ADIPOR2: variants seen among roughly 807,000 people sequenced by gnomAD.
ADIPOR2 encodes the protein adiponectin receptor protein 2.
ADIPOR2 carries 18 observed loss-of-function variants against 40.9 expected under a neutral mutation model. The observed-to-expected ratio is 0.44, with a 90% confidence interval of 0.30 to 0.65. The LOEUF (loss-of-function observed/expected upper bound fraction) is 0.65. Among genes scored for constraint, ADIPOR2 ranks in the 30% least tolerant of loss-of-function variants. The probability of loss-of-function intolerance (pLI) is 0.09; values close to 1 mark genes in which losing one functional copy is unlikely to be tolerated. For synonymous variants in ADIPOR2, 165 were observed against 166.4 expected, an observed-to-expected ratio of 0.99 and a Z score of 0.06; for missense variants, 283 against 479.2, an observed-to-expected ratio of 0.59 and a Z score of 3.82.
chr12:1,694,623 G>A (rs2094634199), intron 1 of ADIPOR2, among the ~76,000 whole-genome samples: 1 of 152,108 alleles, frequency 6.6e-6, no homozygotes, highest in South Asian at 2.1e-4. Context: ...ACAGACATAA[G>A]AGCCCATGGA....
chr12:1,757,822 T>C, intron 2 of ADIPOR2: 2 of 840,458 alleles, frequency 2.4e-6, no homozygotes, highest in Admixed American at 1.7e-5. Context: ...CCTCTGCATG[T>C]AATCTTCTTT....
intron 3 of ADIPOR2, among the ~76,000 whole-genome samples, chr12:1,777,251 C>T (rs1862614176): frequency 6.6e-6 from 1 of 152,178 alleles, no homozygotes; most frequent in East Asian, 1.9e-4. Context: ...ATGAGTGAGA[C>T]TTTGGAACCT....
rs192829252 is a variant in ADIPOR2 at position 1,714,393 on chromosome 12, T to C, written c.-87+23202T>C. Among the ~76,000 whole-genome samples, 391 of 152,210 alleles carry C rather than the reference T, an allele frequency of 2.6e-3. 1 individual carries two copies. Among genetic ancestry groups the C allele is most frequent in the African/African-American group, 9.1e-3 (379 of 41,474 alleles). ...AGGGGCCAGGGCTAGCTTTTGGAGC[T>C]TTATCCTGATATCTGCAGCTGACTG... On this transcript the variant is annotated intron_variant, in intron 1 of 7. Transcript: ENST00000357103.
intron 1 of ADIPOR2, among the ~76,000 whole-genome samples, chr12:1,753,798 T>C (rs1385142338): frequency 1.3e-5 from 2 of 152,168 alleles, no homozygotes; most frequent in Admixed American, 1.3e-4. Context: ...CATATATTCT[T>C]TCTAATACAT....
chr12:1,727,705 C>A (rs897201993), intron 1 of ADIPOR2, among the ~76,000 whole-genome samples: 4 of 152,038 alleles, frequency 2.6e-5, no homozygotes, highest in African/African-American at 7.2e-5. Context: ...CTTACCTACT[C>A]AAGGCCCTTT....
chr12:1,733,930 A>G (rs1294454329), intron 1 of ADIPOR2, among the ~76,000 whole-genome samples: 2 of 152,178 alleles, frequency 1.3e-5, no homozygotes, highest in African/African-American at 4.8e-5. Context: ...CCTACAAAGG[A>G]CATGAACACA....
At chr12:1,776,474 T>C (rs981897753) in intron 3 of ADIPOR2, among the ~76,000 whole-genome samples, 1 of 152,230 alleles carries the variant, frequency 6.6e-6, no homozygotes, top group African/African-American at 2.4e-5. Flanking sequence ...GAGCCCACAT[T>C]AGCTGGAAGA....
At chr12:1,748,393 T>A (rs138301043) in intron 1 of ADIPOR2, among the ~76,000 whole-genome samples, 3 of 151,946 alleles carry the variant, frequency 2.0e-5, no homozygotes, top group Non-Finnish European at 4.4e-5. Flanking sequence ...GAACTACAGG[T>A]GCCCGCCACC....
At chr12:1,739,930 G>A (rs751950702) in intron 1 of ADIPOR2, among the ~76,000 whole-genome samples, 3 of 152,032 alleles carry the variant, frequency 2.0e-5, no homozygotes, top group Non-Finnish European at 4.4e-5. Context: ...GTGAAACCCC[G>A]TCTCTACTAA....
chr12:1,691,530 C>T (rs1394757761), intron 1 of ADIPOR2, among the ~76,000 whole-genome samples: 1 of 152,232 alleles, frequency 6.6e-6, no homozygotes, highest in African/African-American at 2.4e-5. Flanking sequence ...GGTGCAGTTG[C>T]TCCAGCTCCC....
At chr12:1,784,863 A>G (rs867402329) in intron 7 of ADIPOR2, among the ~76,000 whole-genome samples, 1 of 152,212 alleles carries the variant, frequency 6.6e-6, no homozygotes, top group Non-Finnish European at 1.5e-5. Flanking sequence ...TCCTCAGCCT[A>G]TTGCTGATTA....
chr12:1,780,584 G>C lies in ADIPOR2; in HGVS notation c.597G>C (p.Trp199Cys). Residue 199 changes from tryptophan (W) to cysteine (C), a missense_variant, in exon 5 of 8, where the codon TGG (tryptophan) becomes TGC (cysteine). Physicochemically the swap from Trp to Cys is radical, Grantham distance 215 (BLOSUM62 -2). Coordinates refer to ENST00000357103, the MANE Select transcript of ADIPOR2 (RefSeq NM_024551.3). ...LGAILCLSFS[W>C]LFHTVYCHSE... is the part of the protein sequence containing the mutation. ...CCATTCTCTGCCTTTCTTTTTCATG[G>C]CTCTTCCACACAGTCTACTGCCACT... 6.2e-7 allele frequency: 1 copy of C among 1,613,282 alleles called. No individual in the cohort carries two copies. Among genetic ancestry groups the C allele is most frequent in the Non-Finnish European group, 8.5e-7 (1 of 1,179,736 alleles).
At chr12:1,779,644 T>G (rs1862674088) in intron 4 of ADIPOR2, among the ~76,000 whole-genome samples, 2 of 152,212 alleles carry the variant, frequency 1.3e-5, no homozygotes, top group South Asian at 4.1e-4. Context: ...TCCATTTGAT[T>G]TGCATTTCTT....
intron 1 of ADIPOR2, among the ~76,000 whole-genome samples, chr12:1,747,639 T>C (rs1038819252): frequency 4.6e-5 from 7 of 152,196 alleles, no homozygotes; most frequent in Admixed American, 6.5e-5. Context: ...TTTTAAAATC[T>C]GAGAAGGTCT....
intron 1 of ADIPOR2, among the ~76,000 whole-genome samples, chr12:1,743,272 A>C (rs920301098): frequency 3.5e-5 from 5 of 140,846 alleles, no homozygotes; most frequent in Non-Finnish European, 7.6e-5. Flanking sequence ...AGATTGTGCC[A>C]CTGCACTCCA....
At chr12:1,751,241 T>C (rs2094768538) in intron 1 of ADIPOR2, among the ~76,000 whole-genome samples, 1 of 152,192 alleles carries the variant, frequency 6.6e-6, no homozygotes. Flanking sequence ...GCCTTCCTGC[T>C]TTCTGTAGAG....
rs1016579614 is a variant in ADIPOR2, at chr12:1,788,634, T to G, written c.*2562T>G. The G allele has an allele frequency of 1.3e-5, 2 of 152,674 alleles. No individual in the cohort carries two copies. Among genetic ancestry groups the G allele is most frequent in the Non-Finnish European group, 2.9e-5 (2 of 68,042 alleles). 9.5% of individuals were successfully genotyped at this position (152,674 alleles called of 1,614,324 possible). A position where few individuals can be genotyped will look rare whatever the true frequency, so the allele number is the denominator to read the frequency against. ...TTCCATTGATGTGGGATTTCCCTAC[T>G]TGCTGTATTCTCAGTTTCTAATAAA... is the stretch of plus-strand genomic sequence containing the variant. On this transcript the variant is annotated 3_prime_UTR_variant, in exon 8 of 8. Transcript: ENST00000357103.
intron 1 of ADIPOR2, among the ~76,000 whole-genome samples, chr12:1,708,517 G>A (rs987392273): frequency 2.6e-5 from 4 of 152,144 alleles, no homozygotes; most frequent in Admixed American, 2.0e-4. Context: ...TTACATTTAA[G>A]CCTATGATCT....
chr12:1,757,467 C>A, intron 2 of ADIPOR2: 1 of 727,180 alleles, frequency 1.4e-6, no homozygotes, highest in Non-Finnish European at 2.6e-6. Context: ...CAGGTTAGCA[C>A]CTACAGTCAC....
Sources: gnomAD v4.1 joint callset for allele counts (sites outside exome capture counted in the v4.1 genomes callset) on GRCh38, gnomAD v4.1.1 for gene constraint, MANE v1.5 for transcripts, NCBI Gene and HGNC (gene_info 2026-07-23, HGNC 2026-07-21) for gene names.